Variants in LIN28B observed in about 807,000 individuals in gnomAD.
LIN28B encodes protein lin-28 homolog B.
In LIN28B, 5 loss-of-function variants were observed where a neutral mutation model predicts 21.9. That is an observed-to-expected ratio of 0.23 (90% CI 0.12 to 0.48). The LOEUF (loss-of-function observed/expected upper bound fraction) is 0.48, where lower values mean the gene tolerates loss of function less well. LIN28B is among the 20% of genes least tolerant of loss of function. The probability of loss-of-function intolerance (pLI) is 0.98; values close to 1 mark genes in which losing one functional copy is unlikely to be tolerated. For synonymous variants in LIN28B, 109 were observed against 111.3 expected (o/e 0.98, Z 0.13); for missense variants, 245 against 310.5 (o/e 0.79, Z 1.58).
intron 3 of LIN28B, among the ~76,000 whole-genome samples, chr6:105,030,195 A>G (rs1771390080): frequency 6.6e-6 from 1 of 152,198 alleles, no homozygotes; most frequent in Non-Finnish European, 1.5e-5. Context: ...ACAACATACA[A>G]TAAAATATTC....
At chr6:104,996,789 A>G (rs1337866846) in intron 2 of LIN28B, among the ~76,000 whole-genome samples, 2 of 152,198 alleles carry the variant, frequency 1.3e-5, no homozygotes, top group African/African-American at 2.4e-5. Context: ...TACCTTGCCT[A>G]TAAGTCTATT....
intron 3 of LIN28B, among the ~76,000 whole-genome samples, chr6:105,063,906 T>A (rs149212133): frequency 0.014 from 2,029 of 149,488 alleles, 44 homozygotes; most frequent in African/African-American, 0.048. Flanking sequence ...TTATAATAAT[T>A]ATTATATTAT....
At chr6:105,032,312 C>T (rs557372425) in intron 3 of LIN28B, among the ~76,000 whole-genome samples, 1 of 152,238 alleles carries the variant, frequency 6.6e-6, no homozygotes, top group East Asian at 1.9e-4. Context: ...GTATGTTTAA[C>T]TTTATAAAAA....
At chr6:104,966,317 T>C (rs2114582298) in intron 2 of LIN28B, among the ~76,000 whole-genome samples, 1 of 152,334 alleles carries the variant, frequency 6.6e-6, no homozygotes, top group East Asian at 1.9e-4. Context: ...ATTTTTCATC[T>C]TTATTTTAGA....
intron 3 of LIN28B, among the ~76,000 whole-genome samples, chr6:105,048,959 A>G (rs1771832304): frequency 6.6e-6 from 1 of 152,126 alleles, no homozygotes; most frequent in African/African-American, 2.4e-5. Context: ...GGTCTTTTCA[A>G]AAAACAAGCT....
chr6:105,052,796 A>G (rs1771933380), intron 3 of LIN28B, among the ~76,000 whole-genome samples: 1 of 152,090 alleles, frequency 6.6e-6, no homozygotes, highest in South Asian at 2.1e-4. Flanking sequence ...TGATCATTCT[A>G]ACTAGGAGTT....
chr6:105,055,569 A>T (rs193297712), intron 3 of LIN28B, among the ~76,000 whole-genome samples: 1 of 152,020 alleles, frequency 6.6e-6, no homozygotes, highest in Non-Finnish European at 1.5e-5. Flanking sequence ...AAATATCTTC[A>T]TATTTATTAT....
chr6:105,048,905 CT>C (rs1771831077), intron 3 of LIN28B, among the ~76,000 whole-genome samples: 1 of 152,090 alleles, frequency 6.6e-6, no homozygotes, highest in Admixed American at 6.6e-5. Context: ...ATTCTTCTCT[CT>C]TTTCTTCTTT....
chr6:104,979,717 C>T (rs1358546949), intron 2 of LIN28B, among the ~76,000 whole-genome samples: 1 of 151,306 alleles, frequency 6.6e-6, no homozygotes, highest in African/African-American at 2.4e-5. Context: ...TCAAATTATA[C>T]AGAAAACCAG....
intron 3 of LIN28B, among the ~76,000 whole-genome samples, chr6:105,032,344 G>A (rs942710812): frequency 6.6e-6 from 1 of 152,164 alleles, no homozygotes; most frequent in Non-Finnish European, 1.5e-5. Context: ...GTTTTCCAGA[G>A]TAATTATTTT....
At chr6:105,019,286 G>A (rs1355350212) in intron 2 of LIN28B, among the ~76,000 whole-genome samples, 1 of 152,056 alleles carries the variant, frequency 6.6e-6, no homozygotes, top group South Asian at 2.1e-4. Context: ...ATGATTCTTG[G>A]TTGACCCTTC....
At chr6:104,952,418 T>G (rs1156752712), upstream of LIN28B, among the ~76,000 whole-genome samples, 1 of 152,206 alleles carries the variant, frequency 6.6e-6, no homozygotes, top group Admixed American at 6.5e-5. Flanking sequence ...TAAGAAAGTA[T>G]TTGTTGAGCA....
At chr6:104,955,860 T>TAAA (rs1778281591), upstream of LIN28B, among the ~76,000 whole-genome samples, 1 of 152,182 alleles carries the variant, frequency 6.6e-6, no homozygotes, top group Non-Finnish European at 1.5e-5. Context: ...TCTTTTTAGT[T>TAAA]AATCTATAAT....
At chr6:104,950,456 T>A in intron 2 of LIN28B, 1 of 1,226,218 alleles carries the variant, frequency 8.2e-7, no homozygotes, top group Non-Finnish European at 1.0e-6. Flanking sequence ...GCTCTCTGAT[T>A]TTAGGTTCTT....
At chr6:104,976,339 T>G (rs1455604606) in intron 2 of LIN28B, among the ~76,000 whole-genome samples, 5 of 152,138 alleles carry the variant, frequency 3.3e-5, no homozygotes, top group African/African-American at 1.2e-4. Flanking sequence ...AAGGCTTCTT[T>G]GGGGCAGTAG....
chr6:105,041,436 A>G (rs539489147), intron 3 of LIN28B, among the ~76,000 whole-genome samples: 3 of 151,748 alleles, frequency 2.0e-5, no homozygotes, highest in Non-Finnish European at 4.4e-5. Flanking sequence ...TTCAGTCTTT[A>G]TTTTTATAGG....
intron 3 of LIN28B, among the ~76,000 whole-genome samples, chr6:105,062,762 C>T (rs1194782408): frequency 1.3e-5 from 2 of 151,846 alleles, no homozygotes; most frequent in African/African-American, 4.8e-5. Flanking sequence ...AAATGAAATA[C>T]TTTTGAAAGT....
At chr6:105,015,555 T>G (rs915978062) in intron 2 of LIN28B, among the ~76,000 whole-genome samples, 8 of 152,208 alleles carry the variant, frequency 5.3e-5, no homozygotes, top group Non-Finnish European at 1.2e-4. Context: ...TGGATTTAGA[T>G]CTATCGTTTT....
At chr6:105,057,175 G>A (rs1157538530) in intron 3 of LIN28B, among the ~76,000 whole-genome samples, 1 of 152,132 alleles carries the variant, frequency 6.6e-6, no homozygotes, top group Non-Finnish European at 1.5e-5. Flanking sequence ...CCTAACTGTG[G>A]TACCATTTCC....
Sources: gnomAD v4.1 joint callset for allele counts (sites outside exome capture counted in the v4.1 genomes callset) on GRCh38, gnomAD v4.1.1 for gene constraint, MANE v1.5 for transcripts, NCBI Gene and HGNC (gene_info 2026-07-23, HGNC 2026-07-21) for gene names.